Variants in RUNDC3B observed in about 807,000 individuals in gnomAD.
RUNDC3B encodes the protein RUN domain containing 3B.
Under a neutral mutation model 58.4 loss-of-function variants are expected in RUNDC3B, and 33 were observed. That is an observed-to-expected ratio of 0.56 (90% CI 0.43 to 0.75). The LOEUF (loss-of-function observed/expected upper bound fraction) is 0.75, where lower values mean the gene tolerates loss of function less well. RUNDC3B is among the 30% of genes least tolerant of loss of function. The pLI is 0.00. For missense variants in RUNDC3B, 501 were observed against 535.7 expected (o/e 0.94, Z 0.64); for synonymous variants, 193 against 195.2 (o/e 0.99, Z 0.10).
At chr7:87,651,210 G>A (rs1184621216) in intron 2 of RUNDC3B, among the ~76,000 whole-genome samples, 2 of 152,068 alleles carry the variant, frequency 1.3e-5, no homozygotes, top group South Asian at 2.1e-4. Flanking sequence ...TTGAAAGGAA[G>A]CGCATCCCAA....
intron 2 of RUNDC3B, among the ~76,000 whole-genome samples, chr7:87,684,478 A>G (rs888324557): frequency 2.6e-5 from 4 of 152,128 alleles, no homozygotes; most frequent in African/African-American, 7.2e-5. Flanking sequence ...GCTTATACGT[A>G]TAGATAAATA....
At position 87,742,236 on chromosome 7, in the gene RUNDC3B, G is replaced by C. The variant is rs544761621; in HGVS notation, c.629+657G>C. Among the ~76,000 whole-genome samples the C allele has an allele frequency of 4.6e-5, 7 of 152,116 alleles. No individual in the cohort carries two copies. The East Asian group carries it at 1.2e-3, about 25-fold the overall frequency. On this transcript the variant is annotated intron_variant, in intron 6 of 10. Coordinates refer to ENST00000394654, the MANE Select transcript of RUNDC3B (RefSeq NM_001134405.2). ...TCTTTATTTTTCCATAAATTATTGG[G>C]GTTCAGGTGGTATTTGATTACATGA...
intron 6 of RUNDC3B, among the ~76,000 whole-genome samples, chr7:87,769,766 A>T (rs1473879511): frequency 6.6e-6 from 1 of 152,178 alleles, no homozygotes; most frequent in Non-Finnish European, 1.5e-5. Flanking sequence ...TAAGCCCTGC[A>T]TGCATTAGGT....
At position 87,829,960 on chromosome 7, in the gene RUNDC3B, G is replaced by C. The variant is rs528311073; in HGVS notation, c.1301G>C (p.Ser434Thr). The C allele has an allele frequency of 6.2e-7, 1 of 1,608,966 alleles. No individual in the cohort carries two copies. The highest frequency in any genetic ancestry group is 1.1e-5 in the South Asian group (1 of 90,458). Residue 434 changes from serine (S) to threonine (T), a missense_variant, in exon 11 of 11, where the codon AGC becomes ACC. Transcript: ENST00000394654. ...TSVASYKSLT[S>T]LKSNDYLASP... is the part of the protein sequence containing the mutation. ...GTGGCAAGTTACAAGTCTCTAACAA[G>C]CTTAAAATCTAATGACTACCTTGCA...
At chr7:87,698,384 G>A (rs1036433963) in intron 2 of RUNDC3B, among the ~76,000 whole-genome samples, 4 of 152,132 alleles carry the variant, frequency 2.6e-5, no homozygotes, top group Middle Eastern at 3.4e-3. Context: ...GTGAGCCACC[G>A]CACCGGCTGC....
At chr7:87,695,232 A>G (rs936486121) in intron 2 of RUNDC3B, among the ~76,000 whole-genome samples, 4 of 152,240 alleles carry the variant, frequency 2.6e-5, no homozygotes, top group Admixed American at 1.3e-4. Flanking sequence ...TCAGTGTCAT[A>G]ATTTTACCTT....
At chr7:87,669,290 T>C (rs1825596769) in intron 2 of RUNDC3B, among the ~76,000 whole-genome samples, 1 of 152,158 alleles carries the variant, frequency 6.6e-6, no homozygotes, top group Admixed American at 6.5e-5. Context: ...TGAATTCAGA[T>C]TGCAATCCCT....
intron 6 of RUNDC3B, among the ~76,000 whole-genome samples, chr7:87,754,514 T>C (rs1159601386): frequency 6.6e-6 from 1 of 151,994 alleles, no homozygotes; most frequent in Non-Finnish European, 1.5e-5. Flanking sequence ...AACAACCTAA[T>C]ATCACAATGG....
Position 87,766,206 on chromosome 7 carries a change from G to A in RUNDC3B, c.630-4375G>A, listed in dbSNP as rs12670560. ...GTATTTACCTGTTAGGTGGGTCTTC[G>A]AAGATGGTTGGGTCTTGTTTTTAAT... On this transcript the variant is annotated intron_variant, in intron 6 of 10. Transcript: ENST00000394654. 3.1e-3 allele frequency among the ~76,000 whole-genome samples: 472 copies of A among 152,102 alleles called. 6 individuals are homozygous for A. The East Asian group carries it at 0.049, about 16-fold the overall frequency.
intron 7 of RUNDC3B, among the ~76,000 whole-genome samples, chr7:87,775,471 C>T (rs1465358669): frequency 2.6e-5 from 4 of 151,946 alleles, no homozygotes; most frequent in South Asian, 4.2e-4. Flanking sequence ...AGTAAGCTAA[C>T]GTTAATTTTA....
At chr7:87,796,348 G>A (rs1343848036) in intron 8 of RUNDC3B, among the ~76,000 whole-genome samples, 1 of 152,242 alleles carries the variant, frequency 6.6e-6, no homozygotes, top group Middle Eastern at 3.4e-3. Context: ...AGTAGGGATG[G>A]TTAATGGGTA....
chr7:87,699,124 G>T (rs1182311757), intron 2 of RUNDC3B, among the ~76,000 whole-genome samples: 1 of 152,058 alleles, frequency 6.6e-6, no homozygotes, highest in Non-Finnish European at 1.5e-5. Context: ...CTCAGACATT[G>T]GTCCTAAAAT....
chr7:87,648,727 A>C (rs1305069955), intron 1 of RUNDC3B, among the ~76,000 whole-genome samples: 2 of 152,184 alleles, frequency 1.3e-5, no homozygotes, highest in East Asian at 3.8e-4. Flanking sequence ...GGTTGTAAGA[A>C]AGTTTTTAAT....
At chr7:87,660,415 A>C (rs1238870680) in intron 2 of RUNDC3B, among the ~76,000 whole-genome samples, 1 of 152,050 alleles carries the variant, frequency 6.6e-6, no homozygotes, top group Non-Finnish European at 1.5e-5. Context: ...TATTTCCTTT[A>C]ATGTGACACT....
At chr7:87,756,279 CA>C (rs1833365597) in intron 6 of RUNDC3B, among the ~76,000 whole-genome samples, 3 of 152,084 alleles carry the variant, frequency 2.0e-5, no homozygotes, top group Admixed American at 1.3e-4. Flanking sequence ...TCATGTAGAA[CA>C]AGTGCTTTAA....
intron 7 of RUNDC3B, among the ~76,000 whole-genome samples, chr7:87,774,338 A>C (rs1380635028): frequency 2.6e-5 from 4 of 152,152 alleles, no homozygotes; most frequent in Non-Finnish European, 5.9e-5. Context: ...GTATCCAAGA[A>C]GTAGTGAAAG....
At chr7:87,675,375 C>T (rs1181990120) in intron 2 of RUNDC3B, among the ~76,000 whole-genome samples, 1 of 151,702 alleles carries the variant, frequency 6.6e-6, no homozygotes, top group African/African-American at 2.4e-5. Flanking sequence ...TATATCAAAC[C>T]TCCAGTCTTG....
intron 1 of RUNDC3B, among the ~76,000 whole-genome samples, chr7:87,644,238 G>T (rs1418860532): frequency 2.0e-5 from 3 of 152,196 alleles, no homozygotes; most frequent in African/African-American, 7.2e-5. Context: ...CCAGTGAACA[G>T]ATATCTCTGG....
intron 2 of RUNDC3B, among the ~76,000 whole-genome samples, chr7:87,691,540 A>G (rs1417416307): frequency 1.3e-5 from 2 of 152,198 alleles, no homozygotes; most frequent in African/African-American, 2.4e-5. Context: ...TTTTATAACA[A>G]AAGGTTTTGT....
Sources: gnomAD v4.1 joint callset for allele counts (sites outside exome capture counted in the v4.1 genomes callset) on GRCh38, gnomAD v4.1.1 for gene constraint, MANE v1.5 for transcripts, NCBI Gene and HGNC (gene_info 2026-07-23, HGNC 2026-07-21) for gene names.